Variants in GALNT17 observed in about 807,000 individuals in gnomAD.
GALNT17 encodes the protein UDP-GalNAc:polypeptide N-acetylgalactosaminyltransferase-like 3.
Under a neutral mutation model 63.7 loss-of-function variants are expected in GALNT17, and 29 were observed. The observed-to-expected ratio is 0.46, with a 90% CI of 0.34 to 0.62. The LOEUF is 0.62. Ranked by LOEUF, GALNT17 falls within the 20% of genes least tolerant of loss-of-function variation. GALNT17 has a pLI of 0.01. For missense variants in GALNT17, 603 were observed against 799.6 expected (o/e 0.75, Z 2.97); for synonymous variants, 305 against 318.3 (o/e 0.96, Z 0.45).
At chr7:71,298,573 C>T (rs978168610) in intron 1 of GALNT17, among the ~76,000 whole-genome samples, 3 of 152,102 alleles carry the variant, frequency 2.0e-5, no homozygotes, top group African/African-American at 4.8e-5. Flanking sequence ...CTGACACTTG[C>T]GGGCAGCTGG....
intron 9 of GALNT17, among the ~76,000 whole-genome samples, chr7:71,692,757 G>C (rs1186339386): frequency 6.9e-6 from 1 of 144,254 alleles, no homozygotes; most frequent in Non-Finnish European, 1.5e-5. Flanking sequence ...TTTTATTTTT[G>C]AGAAGGAATC....
At chr7:71,444,795 C>G (rs1301855211) in intron 5 of GALNT17, among the ~76,000 whole-genome samples, 12 of 152,184 alleles carry the variant, frequency 7.9e-5, no homozygotes, top group Non-Finnish European at 1.2e-4. Context: ...TCACTGCACT[C>G]TAGCCTGGGC....
chr7:71,296,425 C>T (rs1791079980), intron 1 of GALNT17, among the ~76,000 whole-genome samples: 1 of 151,912 alleles, frequency 6.6e-6, no homozygotes. Context: ...ACCAGCTTGG[C>T]CAACATGGGG....
intron 5 of GALNT17, among the ~76,000 whole-genome samples, chr7:71,455,338 A>G (rs1787334896): frequency 6.6e-6 from 1 of 152,072 alleles, no homozygotes; most frequent in Non-Finnish European, 1.5e-5. Flanking sequence ...GGGGAGGTAT[A>G]AAGAGGTGTG....
intron 1 of GALNT17, among the ~76,000 whole-genome samples, chr7:71,302,303 T>C (rs1791215520): frequency 2.0e-5 from 3 of 152,138 alleles, no homozygotes; most frequent in Admixed American, 1.3e-4. Context: ...TGGCACATGT[T>C]TATGTATGTA....
At chr7:71,245,382 G>A (rs1050537140) in intron 1 of GALNT17, among the ~76,000 whole-genome samples, 1 of 152,190 alleles carries the variant, frequency 6.6e-6, no homozygotes, top group South Asian at 2.1e-4. Flanking sequence ...TGTGCTGCCT[G>A]TCATCCACGG....
At chr7:71,669,549 A>G (rs1300231478) in intron 7 of GALNT17, among the ~76,000 whole-genome samples, 1 of 146,038 alleles carries the variant, frequency 6.8e-6, no homozygotes, top group Non-Finnish European at 1.5e-5. Flanking sequence ...TAAGCATACG[A>G]GGCTTAAGAT....
At chr7:71,639,846 A>AG (rs200834000) in intron 6 of GALNT17, among the ~76,000 whole-genome samples, 1 of 152,106 alleles carries the variant, frequency 6.6e-6, no homozygotes, top group Non-Finnish European at 1.5e-5. Flanking sequence ...TCTCTTTCAG[A>AG]GGGGGGTGAG....
chr7:71,412,415 G>A (rs1793446256), intron 3 of GALNT17, among the ~76,000 whole-genome samples: 1 of 151,514 alleles, frequency 6.6e-6, no homozygotes, highest in Non-Finnish European at 1.5e-5. Flanking sequence ...CTGTTGCTGA[G>A]GCTTGAGAGC....
At chr7:71,572,346 T>C (rs57469531) in intron 6 of GALNT17, among the ~76,000 whole-genome samples, 1 of 148,986 alleles carries the variant, frequency 6.7e-6, no homozygotes, top group Non-Finnish European at 1.5e-5. Context: ...CCACAAAAGA[T>C]AAAAAATTAG....
chr7:71,458,253 G>A (rs1426349173), intron 5 of GALNT17, among the ~76,000 whole-genome samples: 1 of 152,136 alleles, frequency 6.6e-6, no homozygotes, highest in Non-Finnish European at 1.5e-5. Context: ...CTTTTTCATT[G>A]CATTAACAAC....
chr7:71,681,957 C>G (rs6972881), intron 9 of GALNT17, among the ~76,000 whole-genome samples: 1 of 151,978 alleles, frequency 6.6e-6, no homozygotes, highest in Non-Finnish European at 1.5e-5. Context: ...GACAGAGTCT[C>G]GCTCTGTCAC....
rs1563087533 is a variant in GALNT17, at chr7:71,431,204, C to CTTTCTTTTTTTTT, written c.962+10102_962+10103insCTTTTTTTTTTTT. Among the ~76,000 whole-genome samples the CTTTCTTTTTTTTT allele has an allele frequency of 1.5e-5, 2 of 136,364 alleles. 1 individual carries two copies. The allele number at this position is 136,364 out of a possible 152,430, so 89.5% of individuals were successfully genotyped here. ...CCCTATGAGTATTTTTTTTTCTTTT[C>CTTTCTTTTTTTTT]TTTTCTTTTTTTTTTTTTTTTTTTT... On this transcript the variant is annotated intron_variant, in intron 5 of 10. Coordinates refer to ENST00000333538, the MANE Select transcript of GALNT17 (RefSeq NM_022479.3).
chr7:71,617,171 A>G (rs914182315), intron 6 of GALNT17, among the ~76,000 whole-genome samples: 4 of 150,196 alleles, frequency 2.7e-5, no homozygotes, highest in African/African-American at 9.8e-5. Context: ...TTCAACTTTT[A>G]TTTTAGATAT....
At chr7:71,359,991 G>C (rs1792368486) in intron 2 of GALNT17, among the ~76,000 whole-genome samples, 1 of 152,172 alleles carries the variant, frequency 6.6e-6, no homozygotes, top group African/African-American at 2.4e-5. Context: ...GAAGGCTTAT[G>C]TGGATGGGAA....
intron 2 of GALNT17, among the ~76,000 whole-genome samples, chr7:71,345,748 A>C (rs1314881514): frequency 6.6e-6 from 1 of 152,118 alleles, no homozygotes; most frequent in East Asian, 1.9e-4. Context: ...TACCCAACTC[A>C]AGTTTCCCTC....
chr7:71,398,806 T>C (rs1366991521), intron 3 of GALNT17, among the ~76,000 whole-genome samples: 1 of 152,270 alleles, frequency 6.6e-6, no homozygotes, highest in Non-Finnish European at 1.5e-5. Context: ...AACTGTATAC[T>C]TAAAATGGTT....
intron 2 of GALNT17, among the ~76,000 whole-genome samples, chr7:71,383,770 CCT>C (rs1792887973): frequency 6.6e-6 from 1 of 151,928 alleles, no homozygotes; most frequent in Non-Finnish European, 1.5e-5. Flanking sequence ...GGATTTTTTC[CCT>C]CTGTGGTTGG....
At position 71,390,395 on chromosome 7, in the gene GALNT17, T is replaced by C. The variant is rs533749936; in HGVS notation, c.589+1994T>C. 6.6e-5 allele frequency among the ~76,000 whole-genome samples: 10 copies of C among 152,324 alleles called. No individual in the cohort carries two copies. In the East Asian group the frequency reaches 1.5e-3, roughly 23 times the overall value. On this transcript the variant is annotated intron_variant, in intron 3 of 10. Transcript: ENST00000333538. The stretch of plus-strand genomic sequence containing the variant: ...GTGCACCTGGGCCCAGTGGTTTGCC[T>C]TCTCTGGGACCTCTGGCTTACAGAG...
Sources: gnomAD v4.1 joint callset for allele counts (sites outside exome capture counted in the v4.1 genomes callset) on GRCh38, gnomAD v4.1.1 for gene constraint, MANE v1.5 for transcripts, NCBI Gene and HGNC (gene_info 2026-07-23, HGNC 2026-07-21) for gene names.